MOSPD1: variants seen among roughly 807,000 people sequenced by gnomAD.
MOSPD1 encodes the protein motile sperm domain-containing protein 1.
In MOSPD1, 5 loss-of-function variants were observed where a neutral mutation model predicts 16.7. The ratio of observed to expected loss-of-function variants is 0.30; its 90% CI spans 0.16 to 0.63. The LOEUF is 0.63. Ranked by LOEUF, MOSPD1 falls within the 30% of genes least tolerant of loss-of-function variation. The pLI is 0.82. For missense variants in MOSPD1, 104 were observed against 153.6 expected, an observed-to-expected ratio of 0.68 and a Z score of 1.71; for synonymous variants, 67 against 59.2, an observed-to-expected ratio of 1.13 and a Z score of -0.61.
intron 1 of MOSPD1, among the ~76,000 whole-genome samples, chrX:134,911,610 T>C (rs961658715): frequency 5.3e-5 from 6 of 112,367 alleles, no homozygotes; most frequent in African/African-American, 1.9e-4. Flanking sequence ...GTTTGGCAGT[T>C]CTCACTGAGA....
At chrX:134,904,527 T>C (rs1363749716) in intron 1 of MOSPD1, among the ~76,000 whole-genome samples, 3 of 111,765 alleles carry the variant, frequency 2.7e-5, no homozygotes, top group Non-Finnish European at 5.6e-5. Flanking sequence ...GAACAGAACT[T>C]GGCACCCAGT....
At chrX:134,895,774 G>C (rs2082882395) in intron 4 of MOSPD1, among the ~76,000 whole-genome samples, 2 of 110,443 alleles carry the variant, frequency 1.8e-5, no homozygotes, top group South Asian at 8.1e-4. Flanking sequence ...TGGTGCAAAA[G>C]TAATTGCGGA....
Position 134,891,999 on chromosome X carries a change from T to C in MOSPD1, c.449-359A>G, listed in dbSNP as rs746504927. Among the ~76,000 whole-genome samples, 271 of 112,490 alleles carry C rather than the reference T, an allele frequency of 2.4e-3. 2 individuals carry two copies. The highest frequency in any genetic ancestry group is 8.1e-3 in the African/African-American group (253 of 31,043). On this transcript the variant is annotated intron_variant, in intron 4 of 5. Coordinates refer to ENST00000370783, the MANE Select transcript of MOSPD1 (RefSeq NM_019556.3). The stretch of plus-strand genomic sequence containing the variant: ...TATGCACAAGTTCTGTACTGTGTTA[T>C]GCTTAATATAAAACATACAAATAGA...
At chrX:134,901,278 A>C (rs1386203338) in intron 1 of MOSPD1, among the ~76,000 whole-genome samples, 1 of 111,994 alleles carries the variant, frequency 8.9e-6, no homozygotes, top group Non-Finnish European at 1.9e-5. Flanking sequence ...CTATTATAAT[A>C]GATACTTATA....
chrX:134,899,124 C>T lies in MOSPD1; in HGVS notation c.196G>A (p.Ala66Thr), dbSNP rs200717988. 456 of 1,205,861 alleles carry T rather than the reference C, an allele frequency of 3.8e-4. No homozygotes were observed. The highest frequency in any genetic ancestry group is 4.9e-4 in the Non-Finnish European group (441 of 893,044). The change falls in exon 3 of 6, where the codon GCA becomes ACA. Residue 66 changes from alanine (A) to threonine (T), a missense_variant. By Grantham distance (58) the Ala-to-Thr change is moderately conservative (BLOSUM62 0). Coordinates refer to ENST00000370783, the MANE Select transcript of MOSPD1 (RefSeq NM_019556.3). ...TPNKYVVVDA[A>T]GAVKPQCCVD... ...CAACACTGAGGCTTTACTGCACCTG[C>T]AGCATCAACGACAACATACTTATTT...
chrX:134,897,261 A>C lies in MOSPD1; in HGVS notation c.231-227T>G, dbSNP rs17000718. 0.025 allele frequency among the ~76,000 whole-genome samples: 2,804 copies of C among 111,297 alleles called. 79 individuals carry two copies. The highest frequency in any genetic ancestry group is 0.085 in the African/African-American group (2,596 of 30,615). On this transcript the variant is annotated intron_variant, in intron 3 of 5. Transcript: ENST00000370783. The stretch of plus-strand genomic sequence containing the variant: ...ATCTAAAACACAGAATAAAAGTCTT[A>C]AGCAAAAAAATAACAGGTAAAGAAA...
chrX:134,890,368 T>C (rs2082856513), intron 5 of MOSPD1, among the ~76,000 whole-genome samples: 1 of 109,489 alleles, frequency 9.1e-6, no homozygotes, highest in Non-Finnish European at 1.9e-5. Context: ...TGAAGGTTTC[T>C]GACTAGGGGG....
Position 134,893,461 on chromosome X carries a change from A to G in MOSPD1, c.449-1821T>C, listed in dbSNP as rs2082871792. 3.6e-5 allele frequency among the ~76,000 whole-genome samples: 4 copies of G among 112,330 alleles called. No individual in the cohort carries two copies. In the South Asian group the frequency reaches 1.5e-3, roughly 41 times the overall value. On this transcript the variant is annotated intron_variant, in intron 4 of 5. Transcript: ENST00000370783. ...TTTAGTATTCGAAAAACATTTGCAT[A>G]AATGCTTGAAATTTTTCAAAATGGA...
At chrX:134,901,263 T>C (rs915729515) in intron 1 of MOSPD1, among the ~76,000 whole-genome samples, 8 of 112,031 alleles carry the variant, frequency 7.1e-5, no homozygotes, top group African/African-American at 2.6e-4. Context: ...ATATTGAAGC[T>C]ACCTCTATTA....
At chrX:134,908,933 T>C (rs770557168) in intron 1 of MOSPD1, among the ~76,000 whole-genome samples, 3 of 112,223 alleles carry the variant, frequency 2.7e-5, no homozygotes, top group African/African-American at 6.5e-5. Flanking sequence ...ACCACTTTCA[T>C]AGCATTTTCT....
At chrX:134,910,919 A>G (rs888393463) in intron 1 of MOSPD1, among the ~76,000 whole-genome samples, 19 of 112,341 alleles carry the variant, frequency 1.7e-4, no homozygotes, top group African/African-American at 6.1e-4. Flanking sequence ...TGAATCAGAA[A>G]TTCCGGGACT....
rs748518120 is a variant in MOSPD1, at chrX:134,888,720, G to A, written c.*441C>T. On this transcript the variant is annotated 3_prime_UTR_variant, in exon 6 of 6. Transcript: ENST00000370783. Reference sequence around the variant, plus strand: ...ACCATGGCAACCATTTATAATGATAGAGGGCAAGGTATAATTAACATAATA... The same window carrying A: ...ACCATGGCAACCATTTATAATGATAAAGGGCAAGGTATAATTAACATAATA... 1 of 112,122 alleles carries A rather than the reference G, an allele frequency of 8.9e-6. No individual in the cohort carries two copies. The highest frequency in any genetic ancestry group is 3.7e-4 in the South Asian group (1 of 2,683). 9.2% of individuals were successfully genotyped at this position (112,122 alleles called of 1,213,427 possible). A position where few individuals can be genotyped will look rare whatever the true frequency, so the allele number is the denominator to read the frequency against.
At chrX:134,895,805 G>A (rs1055247727) in intron 4 of MOSPD1, among the ~76,000 whole-genome samples, 3 of 110,077 alleles carry the variant, frequency 2.7e-5, no homozygotes, top group Non-Finnish European at 5.7e-5. Context: ...AAAAGTAATG[G>A]CAAAAATCGC....
At position 134,889,345 on chromosome X, in the gene MOSPD1, T is replaced by C. The variant is rs775240574; in HGVS notation, c.611-153A>G. ...CCAAAGTCAATTTGAATTTTGTTGATATCATAAAGAAGAAATCCAATTTAT... is the reference window on the plus strand; with the variant it reads ...CCAAAGTCAATTTGAATTTTGTTGACATCATAAAGAAGAAATCCAATTTAT... On this transcript the variant is annotated intron_variant, in intron 5 of 5. Transcript: ENST00000370783. 7.1e-5 allele frequency among the ~76,000 whole-genome samples: 8 copies of C among 112,608 alleles called. No homozygotes were observed. The South Asian group carries it at 2.9e-3, about 41-fold the overall frequency.
In MOSPD1 at chrX:134,908,614, C is replaced by T. The variant is rs1266173679; in HGVS notation, c.-102+6568G>A. Among the ~76,000 whole-genome samples, 5 of 112,152 alleles carry T rather than the reference C, an allele frequency of 4.5e-5. No individual in the cohort carries two copies. In the South Asian group the frequency reaches 1.1e-3, roughly 25 times the overall value. ...ATACAGGAAACTGTCTTGTCTTCCT[C>T]CCCTGTACCAAAGGCACAGAAAAAC... On this transcript the variant is annotated intron_variant, in intron 1 of 5. Coordinates refer to ENST00000370783, the MANE Select transcript of MOSPD1 (RefSeq NM_019556.3).
Position 134,897,041 on chromosome X carries a change from A to C in MOSPD1, c.231-7T>G, listed in dbSNP as rs1480795498. 12 of 1,166,042 alleles carry C rather than the reference A, an allele frequency of 1.0e-5. No individual in the cohort carries two copies. Among genetic ancestry groups the C allele is most frequent in the Non-Finnish European group, 1.3e-5 (11 of 860,498 alleles). The stretch of plus-strand genomic sequence containing the variant: ...ATCTCGATGACGAATCACACTGAAA[A>C]CAGCAAAAATAACAAATGCTGTTTA... On this transcript the variant is annotated splice_polypyrimidine_tract_variant and splice_region_variant and intron_variant, in intron 3 of 5. Coordinates refer to ENST00000370783, the MANE Select transcript of MOSPD1 (RefSeq NM_019556.3).
chrX:134,904,935 A>G lies in MOSPD1; in HGVS notation c.-101-5401T>C, dbSNP rs954661695. On this transcript the variant is annotated intron_variant, in intron 1 of 5. Transcript: ENST00000370783. Reference sequence around the variant, plus strand: ...GGATTCATTAAATAAAGTACAGTCTATCCATTCATTGGGATACCAGATATC... The same window carrying G: ...GGATTCATTAAATAAAGTACAGTCTGTCCATTCATTGGGATACCAGATATC... Among the ~76,000 whole-genome samples, 7 of 111,283 alleles carry G rather than the reference A, an allele frequency of 6.3e-5. 1 individual carries two copies. The highest frequency in any genetic ancestry group is 7.5e-4 in the South Asian group (2 of 2,661).
intron 5 of MOSPD1, 22 bp downstream of exon 5, chrX:134,891,457 A>C: frequency 8.3e-7 from 1 of 1,205,668 alleles, no homozygotes; most frequent in South Asian, 1.8e-5. Flanking sequence ...ATATGTCCCA[A>C]ATGCATCTTT....
At position 134,903,501 on chromosome X, in the gene MOSPD1, C is replaced by T. The variant is rs187813169; in HGVS notation, c.-101-3967G>A. 7.8e-3 allele frequency among the ~76,000 whole-genome samples: 848 copies of T among 108,156 alleles called. 9 individuals carry two copies. The highest frequency in any genetic ancestry group is 0.027 in the African/African-American group (812 of 29,755). The allele number at this position is 108,156 out of a possible 115,157, so 93.9% of individuals were successfully genotyped here. On this transcript the variant is annotated intron_variant, in intron 1 of 5. Coordinates refer to ENST00000370783, the MANE Select transcript of MOSPD1 (RefSeq NM_019556.3). ...CCGAGGTGGGCGGATCACCTGAGGT[C>T]AGGAGTTCGAGACCAGCCTGACCAA... is the stretch of plus-strand genomic sequence containing the variant.
Sources: gnomAD v4.1 joint callset for allele counts (sites outside exome capture counted in the v4.1 genomes callset) on GRCh38, gnomAD v4.1.1 for gene constraint, MANE v1.5 for transcripts, NCBI Gene and HGNC (gene_info 2026-07-23, HGNC 2026-07-21) for gene names.